ZNF343: variants seen among roughly 807,000 people sequenced by gnomAD.
ZNF343 encodes the protein zinc finger protein 343.
Under a neutral mutation model 13.8 loss-of-function variants are expected in ZNF343, and 11 were observed. That is an observed-to-expected ratio of 0.80 (90% CI 0.50 to 1.32). The LOEUF (loss-of-function observed/expected upper bound fraction) is 1.32. Among genes scored for constraint, ZNF343 ranks in the 40% most tolerant of loss-of-function variants. The probability of loss-of-function intolerance (pLI) is 0.00; values close to 1 mark genes in which losing one functional copy is unlikely to be tolerated. For synonymous variants in ZNF343, 248 were observed against 260.0 expected (o/e 0.95, Z 0.44); for missense variants, 658 against 714.2 (o/e 0.92, Z 0.90).
At chr20:2,494,488 G>A (rs2085424526) in intron 2 of ZNF343, among the ~76,000 whole-genome samples, 1 of 152,074 alleles carries the variant, frequency 6.6e-6, no homozygotes, top group African/African-American at 2.4e-5. Flanking sequence ...TTGTGTCTTG[G>A]ATGGGCACAG....
intron 1 of ZNF343, among the ~76,000 whole-genome samples, chr20:2,507,359 G>A (rs2085679928): frequency 6.6e-6 from 1 of 151,952 alleles, no homozygotes; most frequent in African/African-American, 2.4e-5. Flanking sequence ...ACAGCTTCTA[G>A]GGGACAGAAC....
chr20:2,491,365 T>C (rs1390073565), intron 5 of ZNF343, among the ~76,000 whole-genome samples: 1 of 152,150 alleles, frequency 6.6e-6, no homozygotes, highest in Admixed American at 6.5e-5. Context: ...ATATATATAG[T>C]CTTAAAGTTG....
chr20:2,515,411 G>A lies in ZNF343; in HGVS notation c.-347+9044C>T, dbSNP rs73573138. On this transcript the variant is annotated intron_variant, in intron 1 of 6. Transcript: ENST00000358413. ...TCAAAATATGTATTGTTATATGGAGGAATTACAATGACTCAGCAGGATTTG... is the reference window on the plus strand; with the variant it reads ...TCAAAATATGTATTGTTATATGGAGAAATTACAATGACTCAGCAGGATTTG... Among the ~76,000 whole-genome samples the A allele has an allele frequency of 6.6e-3, 1,007 of 152,202 alleles. 13 individuals carry two copies. Among genetic ancestry groups the A allele is most frequent in the African/African-American group, 0.023 (958 of 41,524 alleles).
intron 1 of ZNF343, among the ~76,000 whole-genome samples, chr20:2,503,738 A>T (rs2085608694): frequency 6.6e-6 from 1 of 152,264 alleles, no homozygotes; most frequent in East Asian, 1.9e-4. Context: ...GAAGGCAGAA[A>T]TAAAGATGTT....
chr20:2,524,954 T>C (rs1158409516), upstream of ZNF343, among the ~76,000 whole-genome samples: 1 of 151,224 alleles, frequency 6.6e-6, no homozygotes, highest in Non-Finnish European at 1.5e-5. Flanking sequence ...GAAAGCGGAG[T>C]CCCCCTCTCC....
rs1452776269 is a variant in ZNF343 at position 2,523,972 on chromosome 20, C to T, written c.-347+483G>A. 2.5e-5 allele frequency among the ~76,000 whole-genome samples: 3 copies of T among 121,040 alleles called. No individual in the cohort carries two copies. The East Asian group carries it at 6.7e-4, about 27-fold the overall frequency. 79.4% of individuals were successfully genotyped at this position (121,040 alleles called of 152,430 possible). On this transcript the variant is annotated intron_variant, in intron 1 of 6. Transcript: ENST00000358413. ...GCACTCCAGCCTGGGTGACAGAGAC[C>T]CCGTCTCAAAAAAAAAAAAAAAAAA...
In ZNF343 at chr20:2,518,523, T is replaced by C. The variant is rs1488665931; in HGVS notation, c.-347+5932A>G. On this transcript the variant is annotated intron_variant, in intron 1 of 6. Coordinates refer to the ZNF343 transcript ENST00000358413. This position sits in a 1 kb window ranked among gnomAD's most constrained non-coding sequence, Gnocchi z 4.6. ...CTCCAAAGTACTCCAAAATACACAA[T>C]AGTACTCACAAGTGCCAGACTCTAA... is the stretch of plus-strand genomic sequence containing the variant. 1.3e-5 allele frequency among the ~76,000 whole-genome samples: 2 copies of C among 152,140 alleles called. No homozygotes were observed. Among genetic ancestry groups the C allele is most frequent in the Non-Finnish European group, 2.9e-5 (2 of 68,024 alleles).
At position 2,483,290 on chromosome 20, in the gene ZNF343, G is replaced by T. The variant is rs200271893; in HGVS notation, c.1671C>A (p.Gly557=). 7 of 1,611,152 alleles carry T rather than the reference G, an allele frequency of 4.3e-6. No homozygotes were observed. The African/African-American group carries it at 9.4e-5, about 22-fold the overall frequency. Reference sequence around the variant, plus strand: ...CAAGGAGGAGTGATTTCCGGCTAAAGCCTCGGCCACACTCACTGCACACGT... The same window carrying T: ...CAAGGAGGAGTGATTTCCGGCTAAATCCTCGGCCACACTCACTGCACACGT... ...KPYVCSECGR[G]FSRKSLLLVH... is the part of the protein sequence containing the mutation. The change falls in exon 6 of 6, where the codon GGC becomes GGA. Residue 557 remains glycine, a synonymous_variant. Transcript: ENST00000278772.
At chr20:2,515,013 AAG>A (rs1555767272) in intron 1 of ZNF343, among the ~76,000 whole-genome samples, 8 of 142,968 alleles carry the variant, frequency 5.6e-5, no homozygotes, top group South Asian at 2.4e-4. Context: ...AAAAAAAAAA[AAG>A]AAGAAGAAGA....
chr20:2,485,837 G>A (rs978282325), intron 5 of ZNF343, among the ~76,000 whole-genome samples: 7 of 152,350 alleles, frequency 4.6e-5, no homozygotes, highest in Admixed American at 1.3e-4. Flanking sequence ...AGACTGAGCC[G>A]TATGTGCTCA....
At chr20:2,490,493 G>T (rs141046119) in intron 5 of ZNF343, among the ~76,000 whole-genome samples, 1 of 151,646 alleles carries the variant, frequency 6.6e-6, no homozygotes, top group Non-Finnish European at 1.5e-5. Flanking sequence ...TTGTTTGTGT[G>T]TGTGTTTGTT....
In ZNF343 at chr20:2,493,508, C is replaced by A. The variant is rs773728731; in HGVS notation, c.177+11G>T. On this transcript the variant is annotated intron_variant, in intron 4 of 5. Coordinates refer to ENST00000278772, the MANE Select transcript of ZNF343 (RefSeq NM_024325.6). Reference sequence around the variant, plus strand: ...ACTTCAGGAAAAAAAAAAAATGTAACCCCAACTCACCACTATTTGGGCCTT... The same window carrying A: ...ACTTCAGGAAAAAAAAAAAATGTAAACCCAACTCACCACTATTTGGGCCTT... 2 of 1,611,982 alleles carry A rather than the reference C, an allele frequency of 1.2e-6. No homozygotes were observed.
At chr20:2,501,221 A>G (rs2085559931) in intron 1 of ZNF343, among the ~76,000 whole-genome samples, 1 of 152,152 alleles carries the variant, frequency 6.6e-6, no homozygotes. Flanking sequence ...CTAGCACAGC[A>G]GTCTGAGATC....
chr20:2,490,589 G>A (rs2085352713), intron 5 of ZNF343, among the ~76,000 whole-genome samples: 1 of 149,672 alleles, frequency 6.7e-6, no homozygotes, highest in African/African-American at 2.5e-5. Flanking sequence ...CCAGGCTGGA[G>A]TGCAATGGCA....
chr20:2,493,637 T>A, intron 3 of ZNF343, 60 bp from the exon 4 acceptor site: 1 of 854,808 alleles, frequency 1.2e-6, no homozygotes, highest in Non-Finnish European at 1.7e-6. Flanking sequence ...CCCCCCACCA[T>A]GACGCTCCCT....
chr20:2,523,811 G>A (rs1420760048), intron 1 of ZNF343, among the ~76,000 whole-genome samples: 1 of 149,724 alleles, frequency 6.7e-6, no homozygotes, highest in Non-Finnish European at 1.5e-5. Context: ...CTCCCCAGTA[G>A]CTGGGATTAC....
chr20:2,510,655 C>G (rs1340295133), upstream of ZNF343, among the ~76,000 whole-genome samples: 1 of 152,130 alleles, frequency 6.6e-6, no homozygotes, highest in Non-Finnish European at 1.5e-5. Context: ...TGGAGGCTGC[C>G]GTGTTAGTAC....
At chr20:2,517,805 C>G (rs2085765932) in intron 1 of ZNF343, among the ~76,000 whole-genome samples, 1 of 151,820 alleles carries the variant, frequency 6.6e-6, no homozygotes, top group South Asian at 2.1e-4. Flanking sequence ...TTGCCCTTGG[C>G]CTCAATTTGT....
At chr20:2,510,092 G>A (rs73573127), upstream of ZNF343, among the ~76,000 whole-genome samples, 575 of 152,276 alleles carry the variant, frequency 3.8e-3, 6 homozygotes, top group African/African-American at 0.013. Flanking sequence ...GTAACTGCCC[G>A]CTTGTCACAG....
Sources: gnomAD v4.1 joint callset for allele counts (sites outside exome capture counted in the v4.1 genomes callset) on GRCh38, gnomAD v4.1.1 for gene constraint, Gnocchi (gnomAD v3.1) non-coding constraint, MANE v1.5 for transcripts, NCBI Gene and HGNC (gene_info 2026-07-23, HGNC 2026-07-21) for gene names.